ITGB3: variants seen among roughly 807,000 people sequenced by gnomAD.
The protein encoded by ITGB3 is integrin subunit beta 3.
A neutral mutation model predicts 85.8 loss-of-function variants in ITGB3; 48 were observed. The ratio of observed to expected loss-of-function variants is 0.56; its 90% CI spans 0.44 to 0.71. ITGB3 has a LOEUF of 0.71. ITGB3 is among the 30% of genes least tolerant of loss of function. The pLI is 0.00. For missense variants in ITGB3, 861 were observed against 1,019.1 expected (o/e 0.84, Z 2.11); for synonymous variants, 363 against 395.6 (o/e 0.92, Z 0.98).
chr17:47,290,484 G>A (rs965489369), intron 8 of ITGB3, among the ~76,000 whole-genome samples: 6 of 152,216 alleles, frequency 3.9e-5, no homozygotes, highest in Admixed American at 3.9e-4. Flanking sequence ...GAGAAAGAAG[G>A]AAAGAAGATG....
intron 2 of ITGB3, among the ~76,000 whole-genome samples, chr17:47,274,708 A>G (rs1170563214): frequency 6.6e-6 from 1 of 152,224 alleles, no homozygotes; most frequent in African/African-American, 2.4e-5. Flanking sequence ...AGTCTACCAT[A>G]TAGCCCCTGG....
In ITGB3 at chr17:47,299,258, G is replaced by A; in HGVS notation, c.1691-50G>A. 6.5e-7 allele frequency: 1 copy of A among 1,537,570 alleles called. No individual in the cohort carries two copies. Among genetic ancestry groups the A allele is most frequent in the Non-Finnish European group, 9.0e-7 (1 of 1,116,034 alleles). ...GGTCGTGTGTAGCCTGCTGCCATGG[G>A]AGTGGAGCTCTCGCCAGCGGGTCCA... On this transcript the variant is annotated intron_variant, in intron 10 of 14. Coordinates refer to ENST00000559488, the MANE Select transcript of ITGB3 (RefSeq NM_000212.3). The surrounding 1 kb of genome is among the most constrained non-coding windows in gnomAD (Gnocchi z 5.1).
rs1466970214 is a variant in ITGB3, at chr17:47,311,816, G to A, written c.*1612G>A. ...AGACTTATCAACATTTGTTCCATGA[G>A]CAGAAAACTGGAGCTCTGGCCTCAG... On this transcript the variant is annotated 3_prime_UTR_variant, in exon 15 of 15. Transcript: ENST00000559488. 6 of 152,216 alleles carry A rather than the reference G, an allele frequency of 3.9e-5. No individual in the cohort carries two copies. The highest frequency in any genetic ancestry group is 8.8e-5 in the Non-Finnish European group (6 of 68,022). The allele number at this position is 152,216 out of a possible 1,614,324, so 9.4% of individuals were successfully genotyped here. A position where few individuals can be genotyped will look rare whatever the true frequency, so the allele number is the denominator to read the frequency against.
chr17:47,268,760 TC>T (rs757902148), intron 1 of ITGB3, among the ~76,000 whole-genome samples: 1 of 152,194 alleles, frequency 6.6e-6, no homozygotes, highest in Non-Finnish European at 1.5e-5. Flanking sequence ...GATCTACCAT[TC>T]TGGGGTCTGG....
In ITGB3 at chr17:47,302,660, G is replaced by A. The variant is rs532147831; in HGVS notation, c.2015-61G>A. ...CTGGAAGTCCTGTGATAGGGGTTTGGAGTGGTCCCATCTTCCAGTAGTTGT... is the reference window on the plus strand; with the variant it reads ...CTGGAAGTCCTGTGATAGGGGTTTGAAGTGGTCCCATCTTCCAGTAGTTGT... On this transcript the variant is annotated intron_variant, in intron 12 of 14. Coordinates refer to ENST00000559488, the MANE Select transcript of ITGB3 (RefSeq NM_000212.3). The A allele has an allele frequency of 2.7e-5, 44 of 1,602,064 alleles. No individual in the cohort carries two copies. In the East Asian group the frequency reaches 8.9e-4, roughly 33 times the overall value.
At chr17:47,306,024 A>T (rs1367485349) in intron 13 of ITGB3, among the ~76,000 whole-genome samples, 4 of 152,214 alleles carry the variant, frequency 2.6e-5, no homozygotes, top group African/African-American at 9.6e-5. Context: ...AAGGTTAAGT[A>T]ATTTTCCAAA....
chr17:47,307,731 C>G, intron 14 of ITGB3, 94 bp downstream of exon 14: 1 of 1,203,826 alleles, frequency 8.3e-7, no homozygotes, highest in Admixed American at 1.9e-5. Context: ...TCAGCCAGTA[C>G]CATCGTCTTT....
chr17:47,291,316 A>G, intron 9 of ITGB3: 1 of 609,316 alleles, frequency 1.6e-6, no homozygotes, highest in Non-Finnish European at 2.9e-6. Flanking sequence ...CTTCACTCTC[A>G]GGAATTTGAA....
intron 5 of ITGB3, among the ~76,000 whole-genome samples, 162 bp from the exon 6 acceptor site, chr17:47,286,908 T>A (rs1187436917): frequency 6.6e-6 from 1 of 152,240 alleles, no homozygotes; most frequent in Non-Finnish European, 1.5e-5. Flanking sequence ...CTGGAAAGCT[T>A]CAGCTTCGGT....
At chr17:47,296,989 A>G (rs1006686877) in intron 10 of ITGB3, among the ~76,000 whole-genome samples, 1 of 152,190 alleles carries the variant, frequency 6.6e-6, no homozygotes, top group Admixed American at 6.5e-5. Context: ...TCCTTCCTTG[A>G]AATTTCTCAT....
chr17:47,291,831 C>G lies in ITGB3; in HGVS notation c.1261-308C>G, dbSNP rs371363370. ...CCAAAGCAGGGTGTTTATATGATCACAGGTTCTGTTCAGTTTGAGCTGGTC... is the reference window on the plus strand; with the variant it reads ...CCAAAGCAGGGTGTTTATATGATCAGAGGTTCTGTTCAGTTTGAGCTGGTC... On this transcript the variant is annotated intron_variant, in intron 9 of 14. Coordinates refer to ENST00000559488, the MANE Select transcript of ITGB3 (RefSeq NM_000212.3). 8.2e-4 allele frequency among the ~76,000 whole-genome samples: 125 copies of G among 152,320 alleles called. 1 individual carries two copies. The South Asian group carries it at 0.022, about 27-fold the overall frequency.
intron 10 of ITGB3, among the ~76,000 whole-genome samples, chr17:47,296,416 T>C (rs974406692): frequency 1.9e-4 from 29 of 152,094 alleles, no homozygotes; most frequent in African/African-American, 7.0e-4. Context: ...TAAAAATTTG[T>C]AGAGACGGGA....
intron 1 of ITGB3, among the ~76,000 whole-genome samples, chr17:47,270,428 C>T (rs992276853): frequency 1.4e-4 from 21 of 152,184 alleles, no homozygotes; most frequent in African/African-American, 5.1e-4. Context: ...GAGGCTCTGT[C>T]CACATCTGCC....
chr17:47,266,895 A>G (rs776568192), intron 1 of ITGB3, among the ~76,000 whole-genome samples: 2 of 151,934 alleles, frequency 1.3e-5, no homozygotes, highest in Non-Finnish European at 2.9e-5. Context: ...AATATTCCTA[A>G]CCCCATTTAG....
Position 47,312,001 on chromosome 17 carries a change from G to A in ITGB3, c.*1797G>A, listed in dbSNP as rs1258299202. On this transcript the variant is annotated 3_prime_UTR_variant, in exon 15 of 15. Coordinates refer to ENST00000559488, the MANE Select transcript of ITGB3 (RefSeq NM_000212.3). ...GGACTTACTGTGTCATCAAATGTGCGGTTAAGATTCTCTGGGATATTGATA... is the reference window on the plus strand; with the variant it reads ...GGACTTACTGTGTCATCAAATGTGCAGTTAAGATTCTCTGGGATATTGATA... 3.3e-5 allele frequency among the ~76,000 whole-genome samples: 5 copies of A among 152,162 alleles called. No individual in the cohort carries two copies. Among genetic ancestry groups the A allele is most frequent in the East Asian group, 1.9e-4 (1 of 5,202 alleles).
At chr17:47,305,904 G>GT (rs1406702227) in intron 13 of ITGB3, among the ~76,000 whole-genome samples, 1 of 152,276 alleles carries the variant, frequency 6.6e-6, no homozygotes, top group East Asian at 1.9e-4. Flanking sequence ...ATTGTTCTGA[G>GT]TTTTTAAGAT....
chr17:47,273,229 G>A (rs181164086), intron 1 of ITGB3, among the ~76,000 whole-genome samples: 8 of 152,308 alleles, frequency 5.3e-5, no homozygotes, highest in Admixed American at 2.6e-4. Flanking sequence ...GGAAAACATC[G>A]CAATGGTCAG....
chr17:47,288,206 AAGAGAGAGAGAG>A (rs200536313), intron 6 of ITGB3, among the ~76,000 whole-genome samples: 24 of 134,922 alleles, frequency 1.8e-4, no homozygotes, highest in African/African-American at 3.3e-4. Context: ...TTCTCTTAGA[AAGAGAGAGAGAG>A]AGAGAGAGAG....
chr17:47,279,170 GTAATTCAGCCA>G (rs1215406031), intron 2 of ITGB3, among the ~76,000 whole-genome samples: 1 of 152,154 alleles, frequency 6.6e-6, no homozygotes, highest in Admixed American at 6.5e-5. Flanking sequence ...GGAGAGGGAG[GTAATTCAGCCA>G]GCTCGCAGGG....
Sources: allele counts gnomAD v4.1 joint callset (sites outside exome capture counted in the v4.1 genomes callset), GRCh38; gene constraint gnomAD v4.1.1; non-coding constraint Gnocchi (gnomAD v3.1); transcripts MANE v1.5; gene names NCBI Gene and HGNC (gene_info 2026-07-23, HGNC 2026-07-21).